The following GHSR variants were observed in gnomAD, a reference collection of about 807,000 sequenced individuals.
GHSR encodes growth hormone secretagogue receptor type 1.
GHSR carries 17 observed loss-of-function variants against 24.0 expected under a neutral mutation model. The observed-to-expected ratio is 0.71, with a 90% confidence interval of 0.49 to 1.06. The LOEUF is 1.06. Among genes scored for constraint, GHSR ranks in the 50% least tolerant of loss-of-function variants. The pLI is 0.00. For synonymous variants in GHSR, 238 were observed against 208.1 expected (o/e 1.14, Z -1.24); for missense variants, 504 against 483.1 (o/e 1.04, Z -0.41).
chr3:172,447,501 T>C lies in GHSR; in HGVS notation c.796+117A>G, dbSNP rs752429718. 4 of 1,525,266 alleles carry C rather than the reference T, an allele frequency of 2.6e-6. No individual in the cohort carries two copies. In the Admixed American group the frequency reaches 6.4e-5, roughly 25 times the overall value. 94.5% of individuals were successfully genotyped at this position (1,525,266 alleles called of 1,614,324 possible). On this transcript the variant is annotated intron_variant, in intron 1 of 1. Coordinates refer to ENST00000241256, the MANE Select transcript of GHSR (RefSeq NM_198407.2). Reference sequence around the variant, plus strand: ...CAGAGAGACAGAGGCCCAGAGAAACTGAAGAAAGAGGTAGCGACTCAGGGG... The same window carrying C: ...CAGAGAGACAGAGGCCCAGAGAAACCGAAGAAAGAGGTAGCGACTCAGGGG...
Position 172,448,268 on chromosome 3 carries a change from G to A in GHSR, c.146C>T (p.Thr49Ile), listed in dbSNP as rs144640317. 60 of 1,613,190 alleles carry A rather than the reference G, an allele frequency of 3.7e-5. No homozygotes were observed. The African/African-American group carries it at 5.6e-4, about 15-fold the overall frequency. Residue 49 changes from threonine to isoleucine, a missense_variant, in exon 1 of 2, where the codon ACC (threonine) becomes ATC (isoleucine). Transcript: ENST00000241256. The surrounding 1 kb of genome is among the most constrained non-coding windows in gnomAD (Gnocchi z 4.8). The part of the protein sequence containing the change: ...PAPLLAGVTA[T>I]CVALFVVGIA... ...GCCCACCACGAAGAGTGCCACGCAG[G>A]TGGCTGTGACGCCCGCCAGCAGCGG... is the stretch of plus-strand genomic sequence containing the variant.
chr3:172,445,557 TA>T, intron 1 of GHSR, 92 bp from the exon 2 acceptor site: 1 of 1,270,928 alleles, frequency 7.9e-7, no homozygotes, highest in Non-Finnish European at 1.1e-6. Flanking sequence ...TTTCATGGTC[TA>T]TGACCATTGA....
Position 172,444,504 on chromosome 3 carries a change from A to G in GHSR, c.*657T>C, listed in dbSNP as rs557423872. Among the ~76,000 whole-genome samples the G allele has an allele frequency of 1.3e-5, 2 of 152,306 alleles. No homozygotes were observed. The highest frequency in any genetic ancestry group is 3.9e-4 in the East Asian group (2 of 5,190). On this transcript the variant is annotated 3_prime_UTR_variant, in exon 2 of 2. Coordinates refer to ENST00000241256, the MANE Select transcript of GHSR (RefSeq NM_198407.2). The stretch of plus-strand genomic sequence containing the variant: ...TTTTAAGTGTGCTTAGACAACTTAG[A>G]TTGTTGAATCTACTTTTTATCTGTA...
At chr3:172,447,412 G>A in intron 1 of GHSR, 1 of 1,130,176 alleles carries the variant, frequency 8.8e-7, no homozygotes, top group Non-Finnish European at 1.2e-6. Context: ...GAGACAGAGA[G>A]AAAGATTGAG....
In GHSR at chr3:172,444,324, T is replaced by C. The variant is rs998207476; in HGVS notation, c.*837A>G. Among the ~76,000 whole-genome samples the C allele has an allele frequency of 3.9e-5, 6 of 152,192 alleles. No homozygotes were observed. Among genetic ancestry groups the C allele is most frequent in the Admixed American group, 6.5e-5 (1 of 15,284 alleles). ...TAAACATTTCATATAAGGTGAATGA[T>C]AAGTTTTGTATATACTCTAGAGCTG... On this transcript the variant is annotated 3_prime_UTR_variant, in exon 2 of 2. Coordinates refer to ENST00000241256, the MANE Select transcript of GHSR (RefSeq NM_198407.2).
In GHSR at chr3:172,448,238, G is replaced by A. The variant is rs756983145; in HGVS notation, c.176C>T (p.Ala59Val). 2 of 1,614,032 alleles carry A rather than the reference G, an allele frequency of 1.2e-6. No homozygotes were observed. The highest frequency in any genetic ancestry group is 3.3e-5 in the Admixed American group (2 of 60,036). ...TCVALFVVGI[A>V]GNLLTMLVVS... The stretch of plus-strand genomic sequence containing the variant: ...CACCAGCATGGTGAGCAGGTTGCCA[G>A]CGATGCCCACCACGAAGAGTGCCAC... Residue 59 changes from alanine to valine, a missense_variant, in exon 1 of 2, where the codon GCT becomes GTT. Physicochemically the swap from Ala to Val is moderately conservative, Grantham distance 64. Transcript: ENST00000241256. This position sits in a 1 kb window ranked among gnomAD's most constrained non-coding sequence, Gnocchi z 4.8.
At chr3:172,446,486 T>A (rs1232392046) in intron 1 of GHSR, among the ~76,000 whole-genome samples, 1 of 152,148 alleles carries the variant, frequency 6.6e-6, no homozygotes, top group Non-Finnish European at 1.5e-5. Flanking sequence ...ACTCTATCAC[T>A]TTAATATGGA....
rs201943862 is a variant in GHSR, at chr3:172,445,268, C to G, written c.994G>C (p.Val332Leu). 1.9e-6 allele frequency: 3 copies of G among 1,614,002 alleles called. No homozygotes were observed. Among genetic ancestry groups the G allele is most frequent in the Non-Finnish European group, 2.5e-6 (3 of 1,180,034 alleles). Residue 332 changes from valine (V) to leucine (L), a missense_variant, in exon 2 of 2, where the codon GTG becomes CTG. Coordinates refer to ENST00000241256, the MANE Select transcript of GHSR (RefSeq NM_198407.2). ...AATCCCAGAAGTCTGAACACTGCCA[C>G]CCGGTACTTCTTGGACATGATGTTG... The part of the protein sequence containing the change: ...LYNIMSKKYR[V>L]AVFRLLGFEP...
intron 1 of GHSR, among the ~76,000 whole-genome samples, chr3:172,446,135 G>C (rs1401420614): frequency 6.6e-6 from 1 of 152,084 alleles, no homozygotes; most frequent in Admixed American, 6.5e-5. Context: ...TGTTTAGATT[G>C]TTTTAAATTC....
rs4988509 is a variant in GHSR, at chr3:172,447,883, G to C, written c.531C>G (p.Pro177=). ...IWAVAFCSAG[P]IFVLVGVEHE... is the part of the protein sequence containing the mutation. ...GCTCCACCCCGACTAGCACGAAGAT[G>C]GGCCCGGCGCTGCAGAAGGCCACGG... Residue 177 remains proline (P), a synonymous_variant, in exon 1 of 2, where the codon CCC becomes CCG. Transcript: ENST00000241256. 6.2e-7 allele frequency: 1 copy of C among 1,613,456 alleles called. No individual in the cohort carries two copies. Among genetic ancestry groups the C allele is most frequent in the Non-Finnish European group, 8.5e-7 (1 of 1,179,496 alleles).
In GHSR at chr3:172,444,000, G is replaced by A. The variant is rs139844524; in HGVS notation, c.*1161C>T. On this transcript the variant is annotated 3_prime_UTR_variant, in exon 2 of 2. Transcript: ENST00000241256. ...TTAACTTTCTTGTAATCTTGCCAGAGCACGTTACAAATTGTTCCCTTATTC... is the reference window on the plus strand; with the variant it reads ...TTAACTTTCTTGTAATCTTGCCAGAACACGTTACAAATTGTTCCCTTATTC... Among the ~76,000 whole-genome samples, 870 of 152,226 alleles carry A rather than the reference G, an allele frequency of 5.7e-3. 6 individuals are homozygous for A. Among genetic ancestry groups the A allele is most frequent in the Non-Finnish European group, 0.01 (692 of 67,994 alleles).
chr3:172,446,031 A>G (rs1017738527), intron 1 of GHSR, among the ~76,000 whole-genome samples: 1 of 152,154 alleles, frequency 6.6e-6, no homozygotes, highest in African/African-American at 2.4e-5. Context: ...TACAATAGAC[A>G]TAAGTAAGGC....
At position 172,444,136 on chromosome 3, in the gene GHSR, G is replaced by C. The variant is rs896106040; in HGVS notation, c.*1025C>G. The stretch of plus-strand genomic sequence containing the variant: ...TTTCATTTCCTGAATATTAACACAT[G>C]CAACTCAACTTAATTTAAAAATGTA... On this transcript the variant is annotated 3_prime_UTR_variant, in exon 2 of 2. Transcript: ENST00000241256. Among the ~76,000 whole-genome samples, 7 of 152,102 alleles carry C rather than the reference G, an allele frequency of 4.6e-5. No homozygotes were observed. The highest frequency in any genetic ancestry group is 1.7e-4 in the African/African-American group (7 of 41,418).
In GHSR at chr3:172,445,293, G is replaced by T; in HGVS notation, c.969C>A (p.Tyr323Ter). The change falls in exon 2 of 2, where the codon TAC becomes TAA. Residue 323 changes from tyrosine (Y) to a stop codon, truncating the protein, a stop_gained. Coordinates refer to ENST00000241256, the MANE Select transcript of GHSR (RefSeq NM_198407.2). LOFTEE classifies it high-confidence loss of function. ...YLSAAINPIL[Y>*]NIMSKKYRVA... ...CCCGGTACTTCTTGGACATGATGTT[G>T]TACAGAATGGGGTTGATGGCAGCAC... 5 of 1,614,146 alleles carry T rather than the reference G, an allele frequency of 3.1e-6. No homozygotes were observed. Among genetic ancestry groups the T allele is most frequent in the Non-Finnish European group, 4.2e-6 (5 of 1,180,012 alleles).
rs142733811 is a variant in GHSR at position 172,448,047 on chromosome 3, T to C, written c.367A>G (p.Ser123Gly). ...DLLCKLFQFV[S>G]ESCTYATVLT... ...ACCGTGGCGTAGGTGCAGCTCTCAC[T>C]GACGAATTGGAAGAGTTTGCAGAGG... The change falls in exon 1 of 2, where the codon AGT becomes GGT. Residue 123 changes from serine (S) to glycine (G), a missense_variant. Physicochemically the swap from Ser to Gly is moderately conservative, Grantham distance 56. Coordinates refer to ENST00000241256, the MANE Select transcript of GHSR (RefSeq NM_198407.2). The surrounding 1 kb of genome is among the most constrained non-coding windows in gnomAD (Gnocchi z 4.8). 19 of 1,614,012 alleles carry C rather than the reference T, an allele frequency of 1.2e-5. No homozygotes were observed. The highest frequency in any genetic ancestry group is 1.5e-5 in the Non-Finnish European group (18 of 1,180,020).
intron 1 of GHSR, among the ~76,000 whole-genome samples, chr3:172,445,878 T>C (rs951095356): frequency 6.6e-6 from 1 of 152,182 alleles, no homozygotes; most frequent in African/African-American, 2.4e-5. Flanking sequence ...TCCTTGGATG[T>C]AGTATAGACT....
Position 172,445,087 on chromosome 3 carries a change from T to C in GHSR, c.*74A>G. The C allele has an allele frequency of 6.5e-7, 1 of 1,535,414 alleles. No homozygotes were observed. Among genetic ancestry groups the C allele is most frequent in the Non-Finnish European group, 9.0e-7 (1 of 1,111,302 alleles). ...CTAATTCCAAAATTAACCTTCAGCT[T>C]CCTCCCAAGTTCTGCTGTGCTATGT... On this transcript the variant is annotated 3_prime_UTR_variant, in exon 2 of 2. Transcript: ENST00000241256.
At position 172,447,413 on chromosome 3, in the gene GHSR, A is replaced by G. The variant is rs543795227; in HGVS notation, c.796+205T>C. ...GAGAGAGAGAGACAGAGACAGAGAG[A>G]AAGATTGAGAGATCAAAAACATCAC... On this transcript the variant is annotated intron_variant, in intron 1 of 1. Coordinates refer to ENST00000241256, the MANE Select transcript of GHSR (RefSeq NM_198407.2). 3.5e-6 allele frequency: 4 copies of G among 1,133,472 alleles called. No homozygotes were observed. The African/African-American group carries it at 4.7e-5, about 13-fold the overall frequency. The allele number at this position is 1,133,472 out of a possible 1,614,324, so 70.2% of individuals were successfully genotyped here. A position where few individuals can be genotyped will look rare whatever the true frequency, so the allele number is the denominator to read the frequency against.
chr3:172,447,452 A>G (rs1737489936), intron 1 of GHSR, 166 bp downstream of exon 1: 2 of 1,413,914 alleles, frequency 1.4e-6, no homozygotes, highest in African/African-American at 1.4e-5. Context: ...AGAAAGCAAG[A>G]GGAGAGAATA....
Sources: allele counts gnomAD v4.1 joint callset (sites outside exome capture counted in the v4.1 genomes callset), GRCh38; gene constraint gnomAD v4.1.1; non-coding constraint Gnocchi (gnomAD v3.1); transcripts MANE v1.5; gene names NCBI Gene and HGNC (gene_info 2026-07-23, HGNC 2026-07-21).